The following USP34 variants were observed in gnomAD, a reference collection of about 807,000 sequenced individuals.
The protein encoded by USP34 is ubiquitin carboxyl-terminal hydrolase 34.
Under a neutral mutation model 460.3 loss-of-function variants are expected in USP34, and 70 were observed. That is an observed-to-expected ratio of 0.15 (90% confidence interval 0.13 to 0.19). The LOEUF is 0.19. Ranked by LOEUF, USP34 falls within the 10% of genes least tolerant of loss-of-function variation. The probability of loss-of-function intolerance (pLI) is 1.00; values close to 1 mark genes in which losing one functional copy is unlikely to be tolerated. For synonymous variants in USP34, 1,647 were observed against 1,405.3 expected (o/e 1.17, Z -3.85); for missense variants, 3,985 against 4,236.2 (o/e 0.94, Z 1.65).
At chr2:61,470,187 G>A (rs906393074) in intron 1 of USP34, among the ~76,000 whole-genome samples, 1 of 152,132 alleles carries the variant, frequency 6.6e-6, no homozygotes, top group Non-Finnish European at 1.5e-5. Context: ...CCCTGCTCCC[G>A]GGAGTTTAAT....
rs1290733715 is a variant in USP34, at chr2:61,427,420, C to T, written c.44-6587G>A. ...AGACTACAATAAATACCTAACTCTT[C>T]AATGCCACTCAAGAACATCTACTAG... On this transcript the variant is annotated intron_variant, in intron 1 of 79. Transcript: ENST00000398571. Among the ~76,000 whole-genome samples, 4 of 152,322 alleles carry T rather than the reference C, an allele frequency of 2.6e-5. No individual in the cohort carries two copies. The East Asian group carries it at 7.7e-4, about 29-fold the overall frequency.
chr2:61,339,293 T>C (rs976560508), intron 18 of USP34, 58 bp downstream of exon 18: 40 of 1,531,766 alleles, frequency 2.6e-5, no homozygotes, highest in African/African-American at 5.6e-5. Flanking sequence ...AACAAGAATG[T>C]CCCCCCACAC....
chr2:61,272,857 CAG>C (rs1558503206), intron 41 of USP34, among the ~76,000 whole-genome samples: 1 of 152,100 alleles, frequency 6.6e-6, no homozygotes. Flanking sequence ...ACTTGTAAAA[CAG>C]GAAGTAATAG....
chr2:61,191,422 C>CTT (rs376137386), intron 76 of USP34: 74 of 151,634 alleles, frequency 4.9e-4, no homozygotes, highest in African/African-American at 1.7e-3. Flanking sequence ...ATGTGTATAT[C>CTT]TTATTAAAGT....
intron 10 of USP34, among the ~76,000 whole-genome samples, chr2:61,354,900 G>A (rs1692058865): frequency 6.6e-6 from 1 of 152,140 alleles, no homozygotes; most frequent in African/African-American, 2.4e-5. Context: ...AGTACTTGGT[G>A]CTCTTGTGGT....
At chr2:61,306,897 G>A (rs556631502) in intron 27 of USP34, among the ~76,000 whole-genome samples, 3 of 152,288 alleles carry the variant, frequency 2.0e-5, no homozygotes, top group South Asian at 4.1e-4. Flanking sequence ...CATTGTGGAA[G>A]ACAGTGTGGC....
In USP34 at chr2:61,469,357, A is replaced by T. The variant is rs564457203; in HGVS notation, c.43+1293T>A. On this transcript the variant is annotated intron_variant, in intron 1 of 79. Coordinates refer to ENST00000398571, the MANE Select transcript of USP34 (RefSeq NM_014709.4). ...ATATAAAACACAGTAAGTATTGAGG[A>T]TTTAAGTTTATCATATCGTAAACCG... Among the ~76,000 whole-genome samples, 421 of 152,336 alleles carry T rather than the reference A, an allele frequency of 2.8e-3. 1 individual carries two copies. The highest frequency in any genetic ancestry group is 9.4e-3 in the African/African-American group (392 of 41,586).
At chr2:61,295,394 A>G in intron 30 of USP34, 104 bp from the exon 31 acceptor site, 2 of 1,239,392 alleles carry the variant, frequency 1.6e-6, no homozygotes, top group Non-Finnish European at 2.1e-6. Flanking sequence ...AATATTATAT[A>G]TACTTTGAAA....
chr2:61,415,996 G>C (rs1382524354), intron 2 of USP34, among the ~76,000 whole-genome samples: 1 of 152,192 alleles, frequency 6.6e-6, no homozygotes, highest in Non-Finnish European at 1.5e-5. Flanking sequence ...TTCCAGGTTA[G>C]GTTTTAGAAT....
At chr2:61,321,604 C>T (rs1243361133) in intron 21 of USP34, among the ~76,000 whole-genome samples, 1 of 152,204 alleles carries the variant, frequency 6.6e-6, no homozygotes, top group Non-Finnish European at 1.5e-5. Context: ...GCCAGAAACA[C>T]AAAGGAGATA....
At chr2:61,329,871 C>T (rs1268283001) in intron 20 of USP34, among the ~76,000 whole-genome samples, 1 of 152,048 alleles carries the variant, frequency 6.6e-6, no homozygotes, top group Non-Finnish European at 1.5e-5. Flanking sequence ...AGATTAATAA[C>T]CTAGAGCTAG....
At chr2:61,253,976 C>T (rs1309930506) in intron 48 of USP34, among the ~76,000 whole-genome samples, 2 of 152,212 alleles carry the variant, frequency 1.3e-5, no homozygotes, top group African/African-American at 2.4e-5. Context: ...CTCAGGCAAT[C>T]CACCTGCCTT....
chr2:61,204,636 T>C, intron 72 of USP34, 35 bp from the exon 73 acceptor site: 3 of 1,539,282 alleles, frequency 1.9e-6, no homozygotes, highest in Non-Finnish European at 2.7e-6. Flanking sequence ...TAGCAAAAAA[T>C]TAAGAGTTAT....
chr2:61,200,664 C>T (rs529550582), intron 75 of USP34: 4 of 152,306 alleles, frequency 2.6e-5, no homozygotes, highest in South Asian at 4.2e-4. Context: ...GTAACCTCAA[C>T]GTTCAAATGA....
At chr2:61,285,408 GTC>G (rs1396939455) in intron 34 of USP34, among the ~76,000 whole-genome samples, 3 of 150,380 alleles carry the variant, frequency 2.0e-5, no homozygotes, top group Admixed American at 1.3e-4. Flanking sequence ...GAACACCTGA[GTC>G]TGGGAGGCAG....
Position 61,239,312 on chromosome 2 carries a change from A to T in USP34, c.6777+2248T>A, listed in dbSNP as rs867337526. ...AATGAGGGCCCTGTCACACACACAC[A>T]CACACACACACACACACACACACAC... is the stretch of plus-strand genomic sequence containing the variant. On this transcript the variant is annotated intron_variant, in intron 53 of 79. Coordinates refer to ENST00000398571, the MANE Select transcript of USP34 (RefSeq NM_014709.4). 7.1e-3 allele frequency among the ~76,000 whole-genome samples: 791 copies of T among 111,298 alleles called. 8 individuals are homozygous for T. Among genetic ancestry groups the T allele is most frequent in the African/African-American group, 0.018 (634 of 35,372 alleles). 73.0% of individuals were successfully genotyped at this position (111,298 alleles called of 152,430 possible).
intron 61 of USP34, among the ~76,000 whole-genome samples, chr2:61,228,010 T>C (rs775135622): frequency 2.6e-5 from 4 of 152,232 alleles, no homozygotes; most frequent in East Asian, 1.9e-4. Flanking sequence ...TCTACTAGTG[T>C]ATATTCTGTG....
chr2:61,293,780 C>T lies in USP34; in HGVS notation c.4462-230G>A, dbSNP rs926090179. On this transcript the variant is annotated intron_variant, in intron 32 of 79. Coordinates refer to ENST00000398571, the MANE Select transcript of USP34 (RefSeq NM_014709.4). ...CTGTAATCCTAGAACTTTGGGAGGC[C>T]AAAGCCAGACGATGGCTTGAGGTTA... Among the ~76,000 whole-genome samples the T allele has an allele frequency of 2.0e-5, 3 of 152,016 alleles. No individual in the cohort carries two copies. The South Asian group carries it at 6.2e-4, about 32-fold the overall frequency.
intron 34 of USP34, among the ~76,000 whole-genome samples, chr2:61,287,353 G>A (rs997252107): frequency 1.3e-5 from 2 of 152,080 alleles, no homozygotes; most frequent in African/African-American, 4.8e-5. Flanking sequence ...CCTACCTCCC[G>A]ACTCACTGAC....
Sources: gnomAD v4.1 joint callset for allele counts (sites outside exome capture counted in the v4.1 genomes callset) on GRCh38, gnomAD v4.1.1 for gene constraint, MANE v1.5 for transcripts, NCBI Gene and HGNC (gene_info 2026-07-23, HGNC 2026-07-21) for gene names.